The following GALNT13 variants were observed in gnomAD, a reference collection of about 807,000 sequenced individuals.
The protein encoded by GALNT13 is UDP-GalNAc:polypeptide N-acetylgalactosaminyltransferase 13.
GALNT13 carries 28 observed loss-of-function variants against 64.2 expected under a neutral mutation model. The ratio of observed to expected loss-of-function variants is 0.44; its 90% CI spans 0.32 to 0.60. The LOEUF is 0.60. Among genes scored for constraint, GALNT13 ranks in the 20% least tolerant of loss-of-function variants. The pLI, the probability that GALNT13 is intolerant of heterozygous loss-of-function variation, is 0.05. For synonymous variants in GALNT13, 214 were observed against 224.6 expected, an observed-to-expected ratio of 0.95 and a Z score of 0.42; for missense variants, 577 against 669.8, an observed-to-expected ratio of 0.86 and a Z score of 1.53.
chr2:154,441,415 ATTC>A (rs1428898296), intron 12 of GALNT13, among the ~76,000 whole-genome samples: 1 of 152,110 alleles, frequency 6.6e-6, no homozygotes, highest in Non-Finnish European at 1.5e-5. Flanking sequence ...GGACAAAATT[ATTC>A]TTTGAAAAAT....
the GALNT13 span, among the ~76,000 whole-genome samples, chr2:153,497,631 G>A: frequency 1.5e-5 from 2 of 137,524 alleles, no homozygotes; most frequent in Non-Finnish European, 3.0e-5. Context: ...TCCGCCTTCC[G>A]GGTTCAAGCA....
intron 9 of GALNT13, among the ~76,000 whole-genome samples, chr2:154,317,094 TC>T: frequency 6.6e-6 from 1 of 151,778 alleles, no homozygotes; most frequent in African/African-American, 2.4e-5. Context: ...GCACCTGTAG[TC>T]CCAGCTACTC....
At chr2:153,857,699 CTCT>C in the GALNT13 span, among the ~76,000 whole-genome samples, 1 of 152,138 alleles carries the variant, frequency 6.6e-6, no homozygotes, top group African/African-American at 2.4e-5. Flanking sequence ...AATCACATAC[CTCT>C]TCTTGATATA....
intron 3 of GALNT13, among the ~76,000 whole-genome samples, chr2:154,138,616 G>A (rs1449493258): frequency 6.7e-6 from 1 of 149,676 alleles, no homozygotes; most frequent in Non-Finnish European, 1.5e-5. Context: ...ATGGTTAATA[G>A]GAGCGCCCAT....
At chr2:153,833,970 G>A in the GALNT13 span, among the ~76,000 whole-genome samples, 7 of 150,142 alleles carry the variant, frequency 4.7e-5, no homozygotes, top group East Asian at 1.9e-4. Context: ...TTATCACTCC[G>A]AAAAGAGTGG....
chr2:154,284,161 A>G (rs1692123286), intron 8 of GALNT13, among the ~76,000 whole-genome samples: 2 of 152,274 alleles, frequency 1.3e-5, no homozygotes, highest in South Asian at 4.1e-4. Flanking sequence ...ATTTTGAAAT[A>G]CAAAATACAT....
At chr2:153,457,084 G>T in the GALNT13 span, among the ~76,000 whole-genome samples, 1 of 152,292 alleles carries the variant, frequency 6.6e-6, no homozygotes. Flanking sequence ...ACTTTCTTGA[G>T]TCCTTTGACA....
At chr2:153,521,404 G>T in the GALNT13 span, among the ~76,000 whole-genome samples, 12 of 152,040 alleles carry the variant, frequency 7.9e-5, no homozygotes. Flanking sequence ...GTAGTTTTAG[G>T]TTCAGGGCAA....
chr2:153,823,406 G>A, the GALNT13 span, among the ~76,000 whole-genome samples: 1 of 152,106 alleles, frequency 6.6e-6, no homozygotes, highest in African/African-American at 2.4e-5. Flanking sequence ...AAACAGCATG[G>A]TACTGGTACA....
At chr2:153,402,388 A>G in the GALNT13 span, among the ~76,000 whole-genome samples, 1 of 150,468 alleles carries the variant, frequency 6.6e-6, no homozygotes, top group South Asian at 2.1e-4. Context: ...ACTTTGGTGA[A>G]TCTGACAATT....
rs192239381 is a variant in GALNT13, at chr2:154,273,929, T to A, written c.975+14791T>A. Among the ~76,000 whole-genome samples, 354 of 152,238 alleles carry A rather than the reference T, an allele frequency of 2.3e-3. 1 individual carries two copies. Among genetic ancestry groups the A allele is most frequent in the African/African-American group, 7.7e-3 (318 of 41,544 alleles). On this transcript the variant is annotated intron_variant, in intron 8 of 12. Transcript: ENST00000392825. The stretch of plus-strand genomic sequence containing the variant: ...TAAAATAAATAATAATAAAATCATT[T>A]TACAAGTATTGTTATAATGGATCTA...
chr2:153,380,913 G>T, the GALNT13 span, among the ~76,000 whole-genome samples: 1 of 151,742 alleles, frequency 6.6e-6, no homozygotes, highest in African/African-American at 2.4e-5. Context: ...GTCAATTTGG[G>T]GTTTTTTTGT....
intron 9 of GALNT13, among the ~76,000 whole-genome samples, chr2:154,359,880 A>G (rs915231390): frequency 1.3e-5 from 2 of 152,092 alleles, no homozygotes; most frequent in African/African-American, 2.4e-5. Flanking sequence ...TAGAATGGCT[A>G]TTTTCTTTAA....
At chr2:153,563,052 CTTCT>C in the GALNT13 span, among the ~76,000 whole-genome samples, 4 of 151,726 alleles carry the variant, frequency 2.6e-5, no homozygotes, top group East Asian at 7.7e-4. Context: ...CTATGTGTTC[CTTCT>C]TTTTTTGTTG....
the GALNT13 span, among the ~76,000 whole-genome samples, chr2:153,500,779 T>C: frequency 6.6e-6 from 1 of 152,252 alleles, no homozygotes; most frequent in South Asian, 2.1e-4. Context: ...TGTTTTAGGG[T>C]AGTCACAGTC....
the GALNT13 span, among the ~76,000 whole-genome samples, chr2:153,242,049 T>A: frequency 6.6e-6 from 1 of 152,156 alleles, no homozygotes; most frequent in Non-Finnish European, 1.5e-5. Context: ...GACAGCAATT[T>A]GGGGGCTCAT....
chr2:153,189,896 T>C, the GALNT13 span, among the ~76,000 whole-genome samples: 1 of 152,184 alleles, frequency 6.6e-6, no homozygotes, highest in Admixed American at 6.5e-5. Flanking sequence ...TCCATTTGTA[T>C]TCCTTCTTTT....
the GALNT13 span, among the ~76,000 whole-genome samples, chr2:153,303,645 C>G: frequency 1.6e-4 from 25 of 152,120 alleles, no homozygotes; most frequent in Non-Finnish European, 2.8e-4. Flanking sequence ...GAGGAAAAAA[C>G]TTTTAACTTT....
At chr2:154,193,719 A>G (rs1686722942) in intron 4 of GALNT13, among the ~76,000 whole-genome samples, 1 of 152,146 alleles carries the variant, frequency 6.6e-6, no homozygotes, top group African/African-American at 2.4e-5. Context: ...TCAAAAGTTT[A>G]CTTTGCTTTC....
Sources: allele counts gnomAD v4.1 joint callset (sites outside exome capture counted in the v4.1 genomes callset), GRCh38; gene constraint gnomAD v4.1.1; transcripts MANE v1.5; gene names NCBI Gene and HGNC (gene_info 2026-07-23, HGNC 2026-07-21).